The following AGMO variants were observed in gnomAD, a reference collection of about 807,000 sequenced individuals.
AGMO encodes glyceryl-ether monooxygenase.
A neutral mutation model predicts 60.2 loss-of-function variants in AGMO; 75 were observed. The ratio of observed to expected loss-of-function variants is 1.25; its 90% CI spans 1.03 to 1.51. The LOEUF (loss-of-function observed/expected upper bound fraction) is 1.51. AGMO is among the 40% of genes most tolerant of loss of function. AGMO has a pLI of 0.00. For synonymous variants in AGMO, 261 were observed against 177.1 expected (o/e 1.47, Z -3.76); for missense variants, 763 against 525.5 (o/e 1.45, Z -4.42).
At chr7:15,202,458 CAAAAAAAAAAAAAAAAAAA>C (rs71004370) in intron 12 of AGMO, among the ~76,000 whole-genome samples, 17 of 45,366 alleles carry the variant, frequency 3.7e-4, no homozygotes, top group Admixed American at 3.1e-3. Context: ...TACAAATGAG[CAAAAAAAAAAAAAAAAAAA>C]AAAAAAAAAA....
At chr7:15,351,994 G>C (rs1438974950) in intron 12 of AGMO, among the ~76,000 whole-genome samples, 1 of 152,112 alleles carries the variant, frequency 6.6e-6, no homozygotes, top group African/African-American at 2.4e-5. Context: ...CAAATAAATA[G>C]CTTGTTAATT....
chr7:15,157,092 G>T, the AGMO span, among the ~76,000 whole-genome samples: 590 of 151,910 alleles, frequency 3.9e-3, 3 homozygotes, highest in African/African-American at 0.014. Flanking sequence ...CTTGAATTGC[G>T]GTCTACTTTA....
chr7:15,250,207 C>T (rs753383850), intron 12 of AGMO, among the ~76,000 whole-genome samples: 12 of 151,992 alleles, frequency 7.9e-5, no homozygotes, highest in Non-Finnish European at 1.6e-4. Context: ...CTGTGAAATC[C>T]GCTGCAATTA....
intron 12 of AGMO, among the ~76,000 whole-genome samples, chr7:15,323,220 G>C (rs1338141990): frequency 2.0e-5 from 3 of 152,132 alleles, no homozygotes; most frequent in Middle Eastern, 3.4e-3. Flanking sequence ...AGATAATTTT[G>C]CTTATTGAAT....
chr7:15,226,828 GA>G (rs1381308825), intron 12 of AGMO, among the ~76,000 whole-genome samples: 2 of 151,984 alleles, frequency 1.3e-5, no homozygotes, highest in Non-Finnish European at 2.9e-5. Context: ...ACTGTCTGAA[GA>G]ATTTTTATAT....
chr7:15,150,726 G>C, the AGMO span, among the ~76,000 whole-genome samples: 2 of 152,014 alleles, frequency 1.3e-5, no homozygotes, highest in Non-Finnish European at 2.9e-5. Context: ...GAGGATTTTT[G>C]TGCCTATGTT....
intron 3 of AGMO, among the ~76,000 whole-genome samples, chr7:15,493,249 T>G (rs1217961976): frequency 1.3e-5 from 2 of 151,820 alleles, no homozygotes; most frequent in Non-Finnish European, 2.9e-5. Context: ...TTTTTTGCGT[T>G]TTGTCCATAT....
intron 10 of AGMO, among the ~76,000 whole-genome samples, chr7:15,372,977 G>C (rs767669748): frequency 2.6e-5 from 4 of 151,956 alleles, no homozygotes; most frequent in Non-Finnish European, 5.9e-5. Flanking sequence ...TATCTGTCAA[G>C]TTTCACTACT....
chr7:15,369,143 G>A (rs1783101084), intron 10 of AGMO, among the ~76,000 whole-genome samples: 1 of 151,972 alleles, frequency 6.6e-6, no homozygotes, highest in Non-Finnish European at 1.5e-5. Flanking sequence ...ATAAAAGCAT[G>A]TGTTACAAAC....
intron 3 of AGMO, among the ~76,000 whole-genome samples, chr7:15,447,613 C>G (rs577780119): frequency 2.8e-4 from 43 of 151,942 alleles, no homozygotes; most frequent in Non-Finnish European, 5.6e-4. Context: ...TGCAGTGGCA[C>G]GATCTTGGCT....
At chr7:15,226,780 G>T (rs541838353) in intron 12 of AGMO, among the ~76,000 whole-genome samples, 1 of 152,136 alleles carries the variant, frequency 6.6e-6, no homozygotes, top group Non-Finnish European at 1.5e-5. Flanking sequence ...GACAACACTG[G>T]ATCTTGAAAA....
intron 12 of AGMO, among the ~76,000 whole-genome samples, chr7:15,257,370 T>C (rs1196914467): frequency 3.3e-5 from 5 of 152,188 alleles, no homozygotes; most frequent in Admixed American, 2.6e-4. Context: ...TGTTTTAATG[T>C]AGAATAAAAT....
the AGMO span, among the ~76,000 whole-genome samples, chr7:15,136,808 ACTAC>A: frequency 6.6e-6 from 1 of 151,682 alleles, no homozygotes; most frequent in Non-Finnish European, 1.5e-5. Flanking sequence ...ATTTTCTTCC[ACTAC>A]CTATCTCTTG....
At chr7:15,404,229 A>G (rs1784627364) in intron 5 of AGMO, among the ~76,000 whole-genome samples, 1 of 151,956 alleles carries the variant, frequency 6.6e-6, no homozygotes, top group Admixed American at 6.6e-5. Flanking sequence ...TGTTTATACA[A>G]TAAACAAAAG....
At chr7:15,529,809 CTA>C (rs1784257705) in intron 3 of AGMO, among the ~76,000 whole-genome samples, 1 of 44,710 alleles carries the variant, frequency 2.2e-5, no homozygotes. Context: ...TATATATATT[CTA>C]TATATATATT....
At chr7:15,407,903 A>T (rs1447740924) in intron 5 of AGMO, among the ~76,000 whole-genome samples, 1 of 151,786 alleles carries the variant, frequency 6.6e-6, no homozygotes, top group Admixed American at 6.6e-5. Flanking sequence ...TGCAGAAACT[A>T]ATGTGTTATC....
intron 4 of AGMO, among the ~76,000 whole-genome samples, chr7:15,422,398 T>A (rs920681737): frequency 3.3e-5 from 5 of 151,606 alleles, no homozygotes; most frequent in African/African-American, 1.2e-4. Context: ...AAAAAAACAG[T>A]AAGGTAAGAG....
intron 12 of AGMO, among the ~76,000 whole-genome samples, chr7:15,232,665 C>T (rs895124775): frequency 3.3e-5 from 5 of 152,016 alleles, no homozygotes; most frequent in African/African-American, 1.2e-4. Context: ...AAAACATCTG[C>T]CAATGAGTAG....
intron 12 of AGMO, among the ~76,000 whole-genome samples, chr7:15,321,897 T>C (rs1174953678): frequency 1.3e-5 from 2 of 152,084 alleles, no homozygotes; most frequent in East Asian, 3.9e-4. Context: ...AATCTTGAGA[T>C]ATAATAATGA....
Sources: allele counts gnomAD v4.1 joint callset (sites outside exome capture counted in the v4.1 genomes callset), GRCh38; gene constraint gnomAD v4.1.1; transcripts MANE v1.5; gene names NCBI Gene and HGNC (gene_info 2026-07-23, HGNC 2026-07-21).